SCML2: variants seen among roughly 807,000 people sequenced by gnomAD.
SCML2 encodes sex comb on midleg-like protein 2.
In SCML2, 6 loss-of-function variants were observed where a neutral mutation model predicts 48.4. The observed-to-expected ratio is 0.12, with a 90% confidence interval of 0.07 to 0.24. The LOEUF is 0.24. SCML2 is among the 10% of genes least tolerant of loss of function. The pLI, the probability that SCML2 is intolerant of heterozygous loss-of-function variation, is 1.00. For synonymous variants in SCML2, 181 were observed against 189.5 expected (o/e 0.95, Z 0.37); for missense variants, 377 against 528.2 (o/e 0.71, Z 2.81).
intron 7 of SCML2, among the ~76,000 whole-genome samples, chrX:18,272,868 C>A (rs1927505950): frequency 1.8e-5 from 2 of 111,708 alleles, no homozygotes; most frequent in South Asian, 3.8e-4. Context: ...CCAGCTAATA[C>A]CTTCTCTATT....
At chrX:18,343,986 C>A (rs5909454) in intron 1 of SCML2, among the ~76,000 whole-genome samples, 25,952 of 96,815 alleles carry the variant, frequency 0.27, 3,156 homozygotes, top group African/African-American at 0.42. Flanking sequence ...TAAAATAAAA[C>A]TACGAAACCA....
intron 7 of SCML2, among the ~76,000 whole-genome samples, chrX:18,277,471 A>G (rs1927686334): frequency 8.9e-6 from 1 of 111,855 alleles, no homozygotes; most frequent in South Asian, 3.8e-4. Flanking sequence ...CTCTATTTTA[A>G]ATATGAATAA....
At position 18,321,192 on chromosome X, in the gene SCML2, G is replaced by A. The variant is rs771639321; in HGVS notation, c.398-772C>T. Among the ~76,000 whole-genome samples the A allele has an allele frequency of 8.1e-5, 9 of 111,690 alleles. No individual in the cohort carries two copies. The East Asian group carries it at 2.5e-3, about 31-fold the overall frequency. Reference sequence around the variant, plus strand: ...TAGAAAAAAGACAGCTCTCACTTTAGCAATCTTAATACATACTAAAAATGA... The same window carrying A: ...TAGAAAAAAGACAGCTCTCACTTTAACAATCTTAATACATACTAAAAATGA... On this transcript the variant is annotated intron_variant, in intron 5 of 14. Transcript: ENST00000251900.
chrX:18,265,621 G>T lies in SCML2; in HGVS notation c.912C>A (p.Ile304=). Residue 304 remains isoleucine (I), a synonymous_variant, in exon 8 of 15, where the codon ATC becomes ATA. Coordinates refer to ENST00000251900, the MANE Select transcript of SCML2 (RefSeq NM_006089.3). ...AGTTTGGACCTTTTTTCCTTGGTGTGATATTTTTAACAGAACTGCTCCTTT... is the reference window on the plus strand; with the variant it reads ...AGTTTGGACCTTTTTTCCTTGGTGTTATATTTTTAACAGAACTGCTCCTTT... ...VPKRSSSVKN[I]TPRKKGPNSG... is the part of the protein sequence containing the mutation. 8.3e-7 allele frequency: 1 copy of T among 1,210,442 alleles called. No homozygotes were observed. Among genetic ancestry groups the T allele is most frequent in the Non-Finnish European group, 1.1e-6 (1 of 894,908 alleles).
intron 7 of SCML2, among the ~76,000 whole-genome samples, chrX:18,299,355 TAA>T (rs1052668939): frequency 1.0e-5 from 1 of 97,581 alleles, no homozygotes; most frequent in Non-Finnish European, 2.1e-5. Flanking sequence ...CTACTAAAAA[TAA>T]AAAAAAAAAA....
intron 1 of SCML2, among the ~76,000 whole-genome samples, chrX:18,343,036 T>C (rs1930066497): frequency 8.9e-6 from 1 of 111,946 alleles, no homozygotes; most frequent in Non-Finnish European, 1.9e-5. Context: ...AACAAACTAA[T>C]GGGTCTATAA....
intron 5 of SCML2, among the ~76,000 whole-genome samples, chrX:18,322,637 T>C (rs982483510): frequency 4.5e-5 from 5 of 112,016 alleles, no homozygotes; most frequent in Admixed American, 9.5e-5. Context: ...CTCACGCCTG[T>C]AATCCCAGCA....
intron 8 of SCML2, among the ~76,000 whole-genome samples, chrX:18,261,195 G>C (rs377403793): frequency 2.1e-5 from 2 of 95,230 alleles, no homozygotes; most frequent in South Asian, 9.3e-4. Flanking sequence ...TTTTTGTCTT[G>C]CTATGTTGCC....
intron 7 of SCML2, among the ~76,000 whole-genome samples, chrX:18,298,871 C>T (rs1427145825): frequency 9.1e-6 from 1 of 109,898 alleles, no homozygotes; most frequent in Non-Finnish European, 1.9e-5. Flanking sequence ...TCTCTCTCAC[C>T]ATATACAAAA....
At chrX:18,276,114 C>G (rs746849893) in intron 7 of SCML2, among the ~76,000 whole-genome samples, 2 of 111,523 alleles carry the variant, frequency 1.8e-5, no homozygotes, top group South Asian at 7.5e-4. Flanking sequence ...GCCTGGCCAA[C>G]AGAAACCCCG....
chrX:18,255,781 C>T (rs1178140277), intron 11 of SCML2, among the ~76,000 whole-genome samples: 2 of 112,671 alleles, frequency 1.8e-5, no homozygotes, highest in East Asian at 2.8e-4. Flanking sequence ...TTGAGTGGCA[C>T]GTGAATTAGA....
At chrX:18,297,688 A>G (rs777437545) in intron 7 of SCML2, among the ~76,000 whole-genome samples, 1 of 111,351 alleles carries the variant, frequency 9.0e-6, no homozygotes, top group East Asian at 2.8e-4. Flanking sequence ...ACTTATAATA[A>G]CCACATAAGA....
At chrX:18,244,108 A>G (rs1926359112) in intron 13 of SCML2, among the ~76,000 whole-genome samples, 1 of 111,951 alleles carries the variant, frequency 8.9e-6, no homozygotes, top group Non-Finnish European at 1.9e-5. Context: ...TGAAATAAAA[A>G]CTCTATACCA....
intron 11 of SCML2, among the ~76,000 whole-genome samples, chrX:18,248,805 C>T (rs191200751): frequency 1.6e-3 from 181 of 112,089 alleles, no homozygotes; most frequent in African/African-American, 5.6e-3. Context: ...ATGGAATATT[C>T]GAGTTCTAAA....
intron 7 of SCML2, among the ~76,000 whole-genome samples, chrX:18,292,541 G>A (rs1928265417): frequency 9.0e-6 from 1 of 110,545 alleles, no homozygotes; most frequent in Admixed American, 9.7e-5. Context: ...AGGCAAGAAA[G>A]CAGAATATAC....
chrX:18,260,217 T>C lies in SCML2; in HGVS notation c.1023A>G (p.Leu341=), dbSNP rs998242655. ...ATGGCCCAGAAGCGACATCTTTATATAACATGCCACGGTCTCTGGTCAGCG... is the reference window on the plus strand; with the variant it reads ...ATGGCCCAGAAGCGACATCTTTATACAACATGCCACGGTCTCTGGTCAGCG... ...LKSLTRDRGM[L]YKDVASGPCK... is the part of the protein sequence containing the mutation. The change falls in exon 9 of 15, where the codon TTA becomes TTG. Residue 341 remains leucine, a synonymous_variant. Coordinates refer to ENST00000251900, the MANE Select transcript of SCML2 (RefSeq NM_006089.3). 34 of 1,201,059 alleles carry C rather than the reference T, an allele frequency of 2.8e-5. No homozygotes were observed. Among genetic ancestry groups the C allele is most frequent in the African/African-American group, 3.5e-5 (2 of 56,857 alleles).
intron 14 of SCML2, among the ~76,000 whole-genome samples, chrX:18,241,852 T>A (rs1037001233): frequency 6.2e-5 from 7 of 112,117 alleles, no homozygotes; most frequent in Non-Finnish European, 1.1e-4. Flanking sequence ...AACTACTGAT[T>A]TTCTTGCGAT....
chrX:18,351,257 G>A (rs765456716), intron 1 of SCML2, among the ~76,000 whole-genome samples: 4 of 105,721 alleles, frequency 3.8e-5, no homozygotes, highest in Middle Eastern at 4.8e-3. Context: ...GCAACACAGC[G>A]AGAGCCCATC....
chrX:18,262,073 A>G (rs5955959), intron 8 of SCML2, among the ~76,000 whole-genome samples: 23,483 of 107,891 alleles, frequency 0.22, 2,488 homozygotes, highest in Middle Eastern at 0.3. Context: ...ACATAAGTTG[A>G]AACAAAATGG....
Sources: allele counts gnomAD v4.1 joint callset (sites outside exome capture counted in the v4.1 genomes callset), GRCh38; gene constraint gnomAD v4.1.1; transcripts MANE v1.5; gene names NCBI Gene and HGNC (gene_info 2026-07-23, HGNC 2026-07-21).